EBF2: variants seen among roughly 807,000 people sequenced by gnomAD.
EBF2 encodes the protein EBF transcription factor 2.
Under a neutral mutation model 72.8 loss-of-function variants are expected in EBF2, and 21 were observed. The observed-to-expected ratio is 0.29, with a 90% CI of 0.20 to 0.42. The LOEUF (loss-of-function observed/expected upper bound fraction) is 0.42. Among genes scored for constraint, EBF2 ranks in the 10% least tolerant of loss-of-function variants. The pLI is 1.00. For missense variants in EBF2, 637 were observed against 731.2 expected (o/e 0.87, Z 1.49); for synonymous variants, 299 against 274.2 (o/e 1.09, Z -0.89).
intron 10 of EBF2, among the ~76,000 whole-genome samples, chr8:25,883,669 T>A (rs1474921245): frequency 6.6e-6 from 1 of 152,136 alleles, no homozygotes; most frequent in East Asian, 1.9e-4. Flanking sequence ...GTTCCAAATG[T>A]CTACATCAAT....
chr8:26,022,413 G>A (rs1321100604), intron 6 of EBF2, among the ~76,000 whole-genome samples: 3 of 152,182 alleles, frequency 2.0e-5, no homozygotes, highest in East Asian at 1.9e-4. Context: ...TATCTCCAGA[G>A]AGACCCACAC....
chr8:25,935,919 G>T (rs115223426), intron 6 of EBF2, among the ~76,000 whole-genome samples: 1 of 152,166 alleles, frequency 6.6e-6, no homozygotes, highest in Admixed American at 6.5e-5. Context: ...AGTTGCGACC[G>T]GTGGGAGAAA....
At chr8:25,849,547 T>C (rs1008817308) in intron 15 of EBF2, among the ~76,000 whole-genome samples, 1 of 152,138 alleles carries the variant, frequency 6.6e-6, no homozygotes, top group African/African-American at 2.4e-5. Flanking sequence ...CAACCCTGCT[T>C]GTTGTAAATA....
rs71551840 is a variant in EBF2 at position 25,943,311 on chromosome 8, CAAAAAAA to C, written c.552-34763_552-34757del. ...GCAAGACATAACCCCTGTCTCTACACAAAAAAAAAAAAAAAAAAAAAAGAAAGAAAGA... is the reference window on the plus strand; with the variant it reads ...GCAAGACATAACCCCTGTCTCTACACAAAAAAAAAAAAAAAGAAAGAAAGA... On this transcript the variant is annotated intron_variant, in intron 6 of 15. Transcript: ENST00000520164. 3.7e-4 allele frequency among the ~76,000 whole-genome samples: 22 copies of C among 59,158 alleles called. No homozygotes were observed. The East Asian group carries it at 5.7e-3, about 15-fold the overall frequency. 38.8% of individuals were successfully genotyped at this position (59,158 alleles called of 152,430 possible).
intron 6 of EBF2, among the ~76,000 whole-genome samples, chr8:25,919,847 A>G (rs11786343): frequency 0.54 from 81,444 of 152,108 alleles, 24,346 homozygotes; most frequent in East Asian, 0.74. Context: ...TATTGCAACA[A>G]CTAACTCAAG....
intron 6 of EBF2, among the ~76,000 whole-genome samples, chr8:26,000,373 G>A (rs182892239): frequency 6.6e-6 from 1 of 152,244 alleles, no homozygotes; most frequent in Admixed American, 6.5e-5. Flanking sequence ...AAGTCTTGGG[G>A]AAGATGGAGA....
In EBF2 at chr8:26,045,141, G is replaced by T. The variant is rs986456277; in HGVS notation, c.-282C>A. On this transcript the variant is annotated 5_prime_UTR_variant, in exon 1 of 16. It adds an upstream start codon to the 5' untranslated region. Transcript: ENST00000520164. ...GGTCGCTCGCATCCTTCCAGCTGCA[G>T]TGCTGCCTCCTGAAAGTGATCACAA... 6.9e-6 allele frequency: 2 copies of T among 289,888 alleles called. No individual in the cohort carries two copies. The highest frequency in any genetic ancestry group is 6.6e-6 in the Non-Finnish European group (1 of 151,212). The allele number at this position is 289,888 out of a possible 1,614,324, so 18.0% of individuals were successfully genotyped here.
chr8:26,004,325 A>G (rs1804790945), intron 6 of EBF2, among the ~76,000 whole-genome samples: 1 of 152,296 alleles, frequency 6.6e-6, no homozygotes, highest in East Asian at 1.9e-4. Context: ...CATGATTTAC[A>G]TTGATGCCCA....
chr8:25,945,945 A>G (rs1397796494), intron 6 of EBF2, among the ~76,000 whole-genome samples: 7 of 152,148 alleles, frequency 4.6e-5, no homozygotes, highest in Admixed American at 3.9e-4. Flanking sequence ...AGAATGAGCA[A>G]GGAGTTGGAA....
intron 6 of EBF2, among the ~76,000 whole-genome samples, chr8:25,966,302 C>T (rs1371420556): frequency 6.6e-6 from 1 of 152,144 alleles, no homozygotes; most frequent in African/African-American, 2.4e-5. Context: ...GTCGCTCAAC[C>T]CTGCTCCTGA....
chr8:25,875,696 C>G (rs140385967), intron 10 of EBF2, among the ~76,000 whole-genome samples: 1 of 152,186 alleles, frequency 6.6e-6, no homozygotes, highest in Non-Finnish European at 1.5e-5. Flanking sequence ...AGTGAAAGGA[C>G]CCAGTCTCAT....
chr8:25,848,355 G>A (rs1025513702), intron 15 of EBF2, among the ~76,000 whole-genome samples: 2 of 152,194 alleles, frequency 1.3e-5, no homozygotes, highest in Non-Finnish European at 2.9e-5. Context: ...CATCCTGAGG[G>A]GTGGTGACCA....
intron 6 of EBF2, among the ~76,000 whole-genome samples, chr8:25,952,974 C>A (rs973213624): frequency 1.3e-5 from 2 of 152,104 alleles, no homozygotes; most frequent in African/African-American, 4.8e-5. Flanking sequence ...CCCATCACAC[C>A]TTATTCAGGA....
chr8:25,931,813 C>T (rs147726648), intron 6 of EBF2, among the ~76,000 whole-genome samples: 19 of 152,330 alleles, frequency 1.2e-4, no homozygotes, highest in Non-Finnish European at 2.5e-4. Context: ...TAATTCATAA[C>T]GCCCATCGGC....
chr8:26,008,333 T>C (rs994829206), intron 6 of EBF2, among the ~76,000 whole-genome samples: 8 of 152,200 alleles, frequency 5.3e-5, no homozygotes, highest in Non-Finnish European at 1.2e-4. Flanking sequence ...ATTTGACCAA[T>C]AATACTGCAA....
chr8:26,041,623 G>A (rs1401423627), intron 2 of EBF2: 1 of 161,326 alleles, frequency 6.2e-6, no homozygotes, highest in East Asian at 1.8e-4. Flanking sequence ...TTCCAGGCTT[G>A]AGTTTGGAGG....
chr8:25,863,706 T>A (rs1486744736), intron 10 of EBF2, among the ~76,000 whole-genome samples: 2 of 152,164 alleles, frequency 1.3e-5, no homozygotes, highest in African/African-American at 4.8e-5. Context: ...TTTATATATA[T>A]GTTGCTATTA....
chr8:26,028,916 C>A (rs998377664), intron 6 of EBF2, among the ~76,000 whole-genome samples: 1 of 152,198 alleles, frequency 6.6e-6, no homozygotes, highest in African/African-American at 2.4e-5. Flanking sequence ...AGCAGCAAGT[C>A]CTGCTAGGCT....
chr8:25,897,402 G>C (rs999246011), intron 7 of EBF2, among the ~76,000 whole-genome samples: 1 of 151,842 alleles, frequency 6.6e-6, no homozygotes, highest in African/African-American at 2.4e-5. Flanking sequence ...TATACATGCA[G>C]GTTTATTACA....
Sources: gnomAD v4.1 joint callset for allele counts (sites outside exome capture counted in the v4.1 genomes callset) on GRCh38, gnomAD v4.1.1 for gene constraint, MANE v1.5 for transcripts, NCBI Gene and HGNC (gene_info 2026-07-23, HGNC 2026-07-21) for gene names.